The following HCN4 variants were observed in gnomAD, a reference collection of about 807,000 sequenced individuals.
The protein encoded by HCN4 is potassium/sodium hyperpolarization-activated cyclic nucleotide-gated channel 4.
In HCN4, 29 loss-of-function variants were observed where a neutral mutation model predicts 76.9. That is an observed-to-expected ratio of 0.38 (90% confidence interval 0.28 to 0.51). The LOEUF is 0.51. Ranked by LOEUF, HCN4 falls within the 20% of genes least tolerant of loss-of-function variation. The pLI is 0.90. For missense variants in HCN4, 1,416 were observed against 1,715.2 expected (o/e 0.83, Z 3.08); for synonymous variants, 772 against 762.5 (o/e 1.01, Z -0.21).
In HCN4 at chr15:73,322,185, GC is replaced by G; in HGVS notation, c.*295del. The stretch of plus-strand genomic sequence containing the variant: ...CACTGGCCACTCCCACCCCTGCCCA[GC>G]CCCGGAGACCCCATCTGCCTTTCTC... On this transcript the variant is annotated 3_prime_UTR_variant, in exon 8 of 8. Coordinates refer to ENST00000261917, the MANE Select transcript of HCN4 (RefSeq NM_005477.3). The G allele has an allele frequency of 3.0e-6, 1 of 336,872 alleles. No homozygotes were observed. The highest frequency in any genetic ancestry group is 7.7e-5 in the East Asian group (1 of 13,010). The allele number at this position is 336,872 out of a possible 1,614,324, so 20.9% of individuals were successfully genotyped here. A position where few individuals can be genotyped will look rare whatever the true frequency, so the allele number is the denominator to read the frequency against.
chr15:73,334,959 G>T (rs1449664368), intron 2 of HCN4, among the ~76,000 whole-genome samples: 2 of 152,094 alleles, frequency 1.3e-5, no homozygotes, highest in Non-Finnish European at 2.9e-5. Context: ...ACCCTCATGA[G>T]TGGGATGAGT....
intron 1 of HCN4, among the ~76,000 whole-genome samples, chr15:73,347,130 T>C (rs1425762433): frequency 6.6e-6 from 1 of 152,196 alleles, no homozygotes; most frequent in Non-Finnish European, 1.5e-5. Context: ...CCAAAACACT[T>C]CACATGTATA....
Position 73,328,153 on chromosome 15 carries a change from TC to T in HCN4, c.1590+1419del, listed in dbSNP as rs1385697745. On this transcript the variant is annotated intron_variant, in intron 4 of 7. Coordinates refer to ENST00000261917, the MANE Select transcript of HCN4 (RefSeq NM_005477.3). This position sits in a 1 kb window ranked among gnomAD's most constrained non-coding sequence, Gnocchi z 4.0. ...TGAAGGAGGAGAGGGTGCCATGGGG[TC>T]ACATGACAGGTGAGGGGCTGGCCAG... Among the ~76,000 whole-genome samples the T allele has an allele frequency of 2.0e-5, 3 of 151,824 alleles. No homozygotes were observed. The East Asian group carries it at 5.9e-4, about 30-fold the overall frequency.
At chr15:73,324,867 G>A (rs1246456234) in intron 6 of HCN4, 88 bp downstream of exon 6, 2 of 1,533,048 alleles carry the variant, frequency 1.3e-6, no homozygotes, top group Admixed American at 1.7e-5. Context: ...GCCAAGAAGG[G>A]TGCTCACTGC....
At position 73,320,927 on chromosome 15, in the gene HCN4, T is replaced by TTAAG. The variant is rs1328823288; in HGVS notation, c.*1550_*1553dup. 1.3e-5 allele frequency: 2 copies of TTAAG among 152,320 alleles called. No homozygotes were observed. Among genetic ancestry groups the TTAAG allele is most frequent in the South Asian group, 2.1e-4 (1 of 4,820 alleles). The allele number at this position is 152,320 out of a possible 1,614,324, so 9.4% of individuals were successfully genotyped here. On this transcript the variant is annotated 3_prime_UTR_variant, in exon 8 of 8. Coordinates refer to ENST00000261917, the MANE Select transcript of HCN4 (RefSeq NM_005477.3). ...CAGCCACCTCCTGAGTCCTGAGATT[T>TTAAG]TAAGTCTTGGAGCCCTCAGCCAAAG... is the stretch of plus-strand genomic sequence containing the variant.
intron 3 of HCN4, 79 bp downstream of exon 3, chr15:73,332,052 T>G: frequency 7.0e-7 from 1 of 1,437,364 alleles, no homozygotes; most frequent in Non-Finnish European, 9.8e-7. Flanking sequence ...ACTCAGAAGT[T>G]CCAAGTCCAC....
In HCN4 at chr15:73,322,380, A is replaced by C; in HGVS notation, c.*101T>G. Reference sequence around the variant, plus strand: ...TTTTCTGGTGTGTGTGGTTTTTTAAATAATTATTACTGTTATTGGTATATC... The same window carrying C: ...TTTTCTGGTGTGTGTGGTTTTTTAACTAATTATTACTGTTATTGGTATATC... On this transcript the variant is annotated 3_prime_UTR_variant, in exon 8 of 8. Transcript: ENST00000261917. 1.0e-6 allele frequency: 1 copy of C among 993,022 alleles called. No homozygotes were observed. The highest frequency in any genetic ancestry group is 1.6e-6 in the Non-Finnish European group (1 of 641,094). The allele number at this position is 993,022 out of a possible 1,614,324, so 61.5% of individuals were successfully genotyped here.
intron 4 of HCN4, among the ~76,000 whole-genome samples, 172 bp downstream of exon 4, chr15:73,329,401 C>T (rs2042918990): frequency 6.6e-6 from 1 of 152,086 alleles, no homozygotes; most frequent in African/African-American, 2.4e-5. Flanking sequence ...GGAGCTGAAA[C>T]TCAGATTCTC....
intron 1 of HCN4, among the ~76,000 whole-genome samples, chr15:73,365,635 G>GTT (rs1039637858): frequency 3.9e-5 from 6 of 152,172 alleles, no homozygotes; most frequent in Admixed American, 3.3e-4. Context: ...AACTTCTAAG[G>GTT]TAAGGGAGAT....
chr15:73,337,781 G>A (rs1233084338), intron 2 of HCN4, among the ~76,000 whole-genome samples: 8 of 152,054 alleles, frequency 5.3e-5, no homozygotes, highest in South Asian at 2.1e-4. Flanking sequence ...AAAGGTACCC[G>A]CTCTGGGCAG....
chr15:73,334,393 C>T (rs1199333002), intron 2 of HCN4, among the ~76,000 whole-genome samples: 3 of 152,058 alleles, frequency 2.0e-5, no homozygotes, highest in Admixed American at 6.5e-5. Flanking sequence ...ATCCTAAGAC[C>T]GTGAGGCTCT....
In HCN4 at chr15:73,322,981, A is replaced by G. The variant is rs2042871583; in HGVS notation, c.3112T>C (p.Phe1038Leu). Residue 1038 changes from phenylalanine (F) to leucine (L), a missense_variant, in exon 8 of 8, where the codon TTC (phenylalanine) becomes CTC (leucine). Phe to Leu is a conservative substitution (Grantham distance 22). Coordinates refer to ENST00000261917, the MANE Select transcript of HCN4 (RefSeq NM_005477.3). ...PGHSPGPPRTFPSAPPRASGS... is the reference protein window; with the variant it reads ...PGHSPGPPRTLPSAPPRASGS... ...GAGGCCCGGGGCGGGGCACTCGGGAAGGTTCTTGGGGGGCCTGGGCTGTGG... is the reference window on the plus strand; with the variant it reads ...GAGGCCCGGGGCGGGGCACTCGGGAGGGTTCTTGGGGGGCCTGGGCTGTGG... 1 of 1,431,180 alleles carries G rather than the reference A, an allele frequency of 7.0e-7. No individual in the cohort carries two copies. 88.7% of individuals were successfully genotyped at this position (1,431,180 alleles called of 1,614,324 possible).
In HCN4 at chr15:73,368,178, G is replaced by C; in HGVS notation, c.93C>G (p.Asp31Glu). The C allele has an allele frequency of 6.5e-7, 1 of 1,532,018 alleles. No homozygotes were observed. The highest frequency in any genetic ancestry group is 8.8e-7 in the Non-Finnish European group (1 of 1,141,010). The allele number at this position is 1,532,018 out of a possible 1,614,324, so 94.9% of individuals were successfully genotyped here. The change falls in exon 1 of 8, where the codon GAC becomes GAG. Residue 31 changes from aspartate to glutamate, a missense_variant. Asp to Glu is a conservative substitution (Grantham distance 45). Coordinates refer to ENST00000261917, the MANE Select transcript of HCN4 (RefSeq NM_005477.3). This position sits in a 1 kb window ranked among gnomAD's most constrained non-coding sequence, Gnocchi z 6.9. ...AKAWIMDEEEDAEEEGAGGRQ... is the reference protein window; with the variant it reads ...AKAWIMDEEEEAEEEGAGGRQ... ...GGCCCCCGGCCCCCTCCTCCTCGGC[G>C]TCCTCTTCCTCGTCCATGATCCACG...
rs1167491499 is a variant in HCN4 at position 73,320,417 on chromosome 15, C to T, written c.*2064G>A. The T allele has an allele frequency of 6.6e-6, 1 of 152,256 alleles. No homozygotes were observed. The highest frequency in any genetic ancestry group is 1.5e-5 in the Non-Finnish European group (1 of 68,084). 9.4% of individuals were successfully genotyped at this position (152,256 alleles called of 1,614,324 possible). A position where few individuals can be genotyped will look rare whatever the true frequency, so the allele number is the denominator to read the frequency against. On this transcript the variant is annotated 3_prime_UTR_variant, in exon 8 of 8. Coordinates refer to ENST00000261917, the MANE Select transcript of HCN4 (RefSeq NM_005477.3). ...CATCCCAGGATAGCTCAAGGCAAAA[C>T]CCGATCTTGCCAACATTCTGGCTTG...
Position 73,322,589 on chromosome 15 carries a change from A to C in HCN4, c.3504T>G (p.Phe1168Leu), listed in dbSNP as rs1461994562. 6.2e-7 allele frequency: 1 copy of C among 1,610,404 alleles called. No individual in the cohort carries two copies. Among genetic ancestry groups the C allele is most frequent in the Non-Finnish European group, 8.5e-7 (1 of 1,178,650 alleles). Reference sequence around the variant, plus strand: ...CCCCAGAAGAGGTGGCTCTTGCCCCAAACAAAGACAGAGGGGGTGGCAAAG... The same window carrying C: ...CCCCAGAAGAGGTGGCTCTTGCCCCCAACAAAGACAGAGGGGGTGGCAAAG... ...SGSLPPPLSLFGARATSSGGP... is the reference protein window; with the variant it reads ...SGSLPPPLSLLGARATSSGGP... The change falls in exon 8 of 8, where the codon TTT (phenylalanine) becomes TTG (leucine). Residue 1168 changes from phenylalanine (F) to leucine (L), a missense_variant. This residue lies in a region of HCN4 where 633 missense variants were observed against 579.8 expected (regional missense o/e 1.09). Coordinates refer to ENST00000261917, the MANE Select transcript of HCN4 (RefSeq NM_005477.3).
intron 1 of HCN4, among the ~76,000 whole-genome samples, chr15:73,354,628 C>T (rs1249382538): frequency 6.6e-6 from 1 of 152,200 alleles, no homozygotes; most frequent in Non-Finnish European, 1.5e-5. Flanking sequence ...ATCACTTAAC[C>T]TCTCTGAGCC....
In HCN4 at chr15:73,367,469, T is replaced by A; in HGVS notation, c.785+17A>T. The A allele has an allele frequency of 1.9e-6, 3 of 1,612,530 alleles. No homozygotes were observed. Among genetic ancestry groups the A allele is most frequent in the Non-Finnish European group, 1.7e-6 (2 of 1,179,892 alleles). On this transcript the variant is annotated intron_variant, in intron 1 of 7. Coordinates refer to ENST00000261917, the MANE Select transcript of HCN4 (RefSeq NM_005477.3). This position sits in a 1 kb window ranked among gnomAD's most constrained non-coding sequence, Gnocchi z 7.5. ...ACCGCGCAGGGCACCCACAGGATCA[T>A]CGCTGTGGCCCCTTACCTGAAGTCA...
intron 1 of HCN4, among the ~76,000 whole-genome samples, chr15:73,366,475 A>C (rs928673392): frequency 6.6e-6 from 1 of 152,174 alleles, no homozygotes; most frequent in Non-Finnish European, 1.5e-5. Flanking sequence ...CCTTCATCAC[A>C]ATCTCATGCA....
intron 1 of HCN4, among the ~76,000 whole-genome samples, chr15:73,349,076 G>A (rs751258613): frequency 1.4e-4 from 21 of 148,700 alleles, no homozygotes; most frequent in Admixed American, 3.3e-4. Context: ...ACCATGTCTA[G>A]TCTAGCTGCT....
Sources: allele counts gnomAD v4.1 joint callset (sites outside exome capture counted in the v4.1 genomes callset), GRCh38; gene constraint gnomAD v4.1.1; regional missense constraint gnomAD v4.1.1; non-coding constraint Gnocchi (gnomAD v3.1); transcripts MANE v1.5; gene names NCBI Gene and HGNC (gene_info 2026-07-23, HGNC 2026-07-21).